Variants in TMED2 observed in about 807,000 individuals in gnomAD.
TMED2 encodes transmembrane emp24 domain-containing protein 2.
In TMED2, 3 loss-of-function variants were observed where a neutral mutation model predicts 17.5. The observed-to-expected ratio is 0.17, with a 90% CI of 0.08 to 0.44. The LOEUF (loss-of-function observed/expected upper bound fraction) is 0.44. Among genes scored for constraint, TMED2 ranks in the 20% least tolerant of loss-of-function variants. The pLI, the probability that TMED2 is intolerant of heterozygous loss-of-function variation, is 0.99. For missense variants in TMED2, 149 were observed against 254.8 expected (o/e 0.58, Z 2.83); for synonymous variants, 95 against 91.0 (o/e 1.04, Z -0.25).
intron 3 of TMED2, among the ~76,000 whole-genome samples, chr12:123,592,617 T>C (rs186402622): frequency 4.2e-4 from 64 of 152,344 alleles, no homozygotes; most frequent in Admixed American, 4.1e-3. Flanking sequence ...ATGGTTCCCA[T>C]AATGTTTTGT....
chr12:123,585,802 G>C (rs1301859102), intron 1 of TMED2: 1 of 152,270 alleles, frequency 6.6e-6, no homozygotes, highest in Non-Finnish European at 1.5e-5. Flanking sequence ...TGGGATGAGA[G>C]TTTGGGTCTT....
At chr12:123,588,273 A>G (rs1248995339) in intron 2 of TMED2, among the ~76,000 whole-genome samples, 1 of 151,922 alleles carries the variant, frequency 6.6e-6, no homozygotes, top group Non-Finnish European at 1.5e-5. Flanking sequence ...GTATACTATT[A>G]GCGTGGTAAC....
rs779797066 is a variant in TMED2 at position 123,587,058 on chromosome 12, T to C, written c.373+119T>C. On this transcript the variant is annotated intron_variant, in intron 2 of 3. Transcript: ENST00000262225. ...TTAAATTTCTTAACCAAAACCTTTT[T>C]GTGAAATACGCTTTTTATTTTTTGC... is the stretch of plus-strand genomic sequence containing the variant. 225 of 951,696 alleles carry C rather than the reference T, an allele frequency of 2.4e-4. 2 individuals carry two copies. Among genetic ancestry groups the C allele is most frequent in the Non-Finnish European group, 2.4e-4 (170 of 701,902 alleles). The allele number at this position is 951,696 out of a possible 1,614,324, so 59.0% of individuals were successfully genotyped here.
At chr12:123,595,566 T>C (rs544074898) in intron 3 of TMED2, among the ~76,000 whole-genome samples, 6 of 152,324 alleles carry the variant, frequency 3.9e-5, no homozygotes, top group African/African-American at 1.2e-4. Flanking sequence ...AAATAATTCC[T>C]TAATTTTTTT....
At position 123,584,608 on chromosome 12, in the gene TMED2, C is replaced by T. The variant is rs748103606; in HGVS notation, c.-29C>T. On this transcript the variant is annotated 5_prime_UTR_variant, in exon 1 of 4. Coordinates refer to ENST00000262225, the MANE Select transcript of TMED2 (RefSeq NM_006815.4). Reference sequence around the variant, plus strand: ...GGCGGCGGCTGTGGAGGCCGCAGTCCGGGTCCTGGCTTCGGCCTCAGCCCC... The same window carrying T: ...GGCGGCGGCTGTGGAGGCCGCAGTCTGGGTCCTGGCTTCGGCCTCAGCCCC... 1.5e-5 allele frequency: 24 copies of T among 1,597,300 alleles called. No individual in the cohort carries two copies. In the East Asian group the frequency reaches 3.8e-4, roughly 25 times the overall value.
chr12:123,593,369 C>T (rs558792982), intron 3 of TMED2, among the ~76,000 whole-genome samples: 25 of 152,312 alleles, frequency 1.6e-4, no homozygotes, highest in Non-Finnish European at 1.9e-4. Context: ...TCTCCTGCCT[C>T]AGCCTCCTGA....
At position 123,587,004 on chromosome 12, in the gene TMED2, T is replaced by A. The variant is rs570978719; in HGVS notation, c.373+65T>A. 27 of 1,428,780 alleles carry A rather than the reference T, an allele frequency of 1.9e-5. No individual in the cohort carries two copies. The East Asian group carries it at 6.4e-4, about 34-fold the overall frequency. The allele number at this position is 1,428,780 out of a possible 1,614,324, so 88.5% of individuals were successfully genotyped here. Reference sequence around the variant, plus strand: ...AGCTAATTTTAGTTCTATACATTTTTACCTGTCTGAGTGGAGTACTTATTT... The same window carrying A: ...AGCTAATTTTAGTTCTATACATTTTAACCTGTCTGAGTGGAGTACTTATTT... On this transcript the variant is annotated intron_variant, in intron 2 of 3. Coordinates refer to ENST00000262225, the MANE Select transcript of TMED2 (RefSeq NM_006815.4).
intron 3 of TMED2, among the ~76,000 whole-genome samples, chr12:123,593,317 A>G (rs1326085620): frequency 4.0e-5 from 6 of 151,634 alleles, no homozygotes; most frequent in Non-Finnish European, 8.8e-5. Flanking sequence ...CAGTGGTGCT[A>G]TCTCAGCCCA....
rs1953435180 is a variant in TMED2 at position 123,596,947 on chromosome 12, C to T, written c.*218C>T. The T allele has an allele frequency of 2.6e-6, 1 of 390,272 alleles. No homozygotes were observed. Among genetic ancestry groups the T allele is most frequent in the Non-Finnish European group, 4.4e-6 (1 of 227,482 alleles). The allele number at this position is 390,272 out of a possible 1,614,324, so 24.2% of individuals were successfully genotyped here. Reference sequence around the variant, plus strand: ...GCATAATTTCTTGTTTGAATGCTGCCTCCATTATATAGGTCCTTCCAGGAA... The same window carrying T: ...GCATAATTTCTTGTTTGAATGCTGCTTCCATTATATAGGTCCTTCCAGGAA... On this transcript the variant is annotated 3_prime_UTR_variant, in exon 4 of 4. Transcript: ENST00000262225.
chr12:123,589,774 T>A (rs1456717647), intron 2 of TMED2, among the ~76,000 whole-genome samples: 1 of 151,572 alleles, frequency 6.6e-6, no homozygotes, highest in Non-Finnish European at 1.5e-5. Flanking sequence ...ATTTATTTTA[T>A]AAGTGTTTTT....
At chr12:123,585,726 C>T (rs1170171353) in intron 1 of TMED2, 1 of 152,186 alleles carries the variant, frequency 6.6e-6, no homozygotes, top group Admixed American at 6.5e-5. Flanking sequence ...CGAAGTTATG[C>T]AAGTGACATG....
chr12:123,584,983 C>G (rs1200277881), intron 1 of TMED2, 167 bp downstream of exon 1: 4 of 824,740 alleles, frequency 4.9e-6, no homozygotes, highest in Admixed American at 5.9e-5. Context: ...CCACGGCGAC[C>G]TCCTAACGGC....
intron 1 of TMED2, chr12:123,586,324 T>G (rs1015469414): frequency 6.6e-6 from 1 of 152,406 alleles, no homozygotes; most frequent in Non-Finnish European, 1.5e-5. Context: ...TGAAGCTAAG[T>G]GAAAGTTACA....
intron 3 of TMED2, among the ~76,000 whole-genome samples, chr12:123,592,162 G>C (rs1953396962): frequency 6.6e-6 from 1 of 152,162 alleles, no homozygotes; most frequent in South Asian, 2.1e-4. Context: ...ATGGACCAAG[G>C]CTTGTCTACA....
intron 1 of TMED2, chr12:123,585,078 C>A: frequency 2.3e-6 from 1 of 437,264 alleles, no homozygotes. Flanking sequence ...TCTCCTTGAA[C>A]GACGGGTTCC....
intron 1 of TMED2, 172 bp downstream of exon 1, chr12:123,584,988 A>G (rs764497822): frequency 8.9e-6 from 7 of 790,406 alleles, no homozygotes; most frequent in Non-Finnish European, 1.2e-5. Context: ...GCGACCTCCT[A>G]ACGGCCCCTT....
intron 3 of TMED2, among the ~76,000 whole-genome samples, chr12:123,593,168 TC>T (rs1194780453): frequency 1.3e-5 from 2 of 152,158 alleles, no homozygotes; most frequent in Non-Finnish European, 2.9e-5. Flanking sequence ...GCTTGAGTGA[TC>T]CACCTGCCTC....
At chr12:123,586,140 T>G (rs1886340990) in intron 1 of TMED2, 2 of 152,144 alleles carry the variant, frequency 1.3e-5, no homozygotes, top group African/African-American at 2.4e-5. Context: ...TTGGTGATAT[T>G]AGGCCAGTTA....
rs1015084712 is a variant in TMED2, at chr12:123,587,777, A to T, written c.373+838A>T. 9.5e-6 allele frequency: 6 copies of T among 634,468 alleles called. No homozygotes were observed. The African/African-American group carries it at 1.2e-4, about 13-fold the overall frequency. 39.3% of individuals were successfully genotyped at this position (634,468 alleles called of 1,614,324 possible). A position where few individuals can be genotyped will look rare whatever the true frequency, so the allele number is the denominator to read the frequency against. On this transcript the variant is annotated intron_variant, in intron 2 of 3. Coordinates refer to ENST00000262225, the MANE Select transcript of TMED2 (RefSeq NM_006815.4). ...AACCCCTACAACTAATTGGATTGAT[A>T]TTTTTTTTGGTGGTTTTTTATTTCG...
Sources: allele counts gnomAD v4.1 joint callset (sites outside exome capture counted in the v4.1 genomes callset), GRCh38; gene constraint gnomAD v4.1.1; transcripts MANE v1.5; gene names NCBI Gene and HGNC (gene_info 2026-07-23, HGNC 2026-07-21).